The following RCBTB2 variants were observed in gnomAD, a reference collection of about 807,000 sequenced individuals.
RCBTB2 encodes RCC1 and BTB domain-containing protein 2.
Under a neutral mutation model 65.4 loss-of-function variants are expected in RCBTB2, and 55 were observed. That is an observed-to-expected ratio of 0.84 (90% CI 0.68 to 1.05). The LOEUF is 1.05. Ranked by LOEUF, RCBTB2 falls within the 50% of genes least tolerant of loss-of-function variation. The pLI is 0.00. For missense variants in RCBTB2, 599 were observed against 680.1 expected, an observed-to-expected ratio of 0.88 and a Z score of 1.33; for synonymous variants, 220 against 255.2, an observed-to-expected ratio of 0.86 and a Z score of 1.31.
chr13:48,504,579 C>T (rs1950397493), intron 10 of RCBTB2, among the ~76,000 whole-genome samples: 1 of 152,214 alleles, frequency 6.6e-6, no homozygotes, highest in Admixed American at 6.5e-5. Context: ...TCCAGCCTGG[C>T]CCTGTTACTT....
chr13:48,511,920 G>A, intron 8 of RCBTB2, 43 bp from the exon 9 acceptor site: 1 of 1,611,038 alleles, frequency 6.2e-7, no homozygotes, highest in Non-Finnish European at 8.5e-7. Flanking sequence ...GAGACAAATG[G>A]CCAGCAAGCT....
intron 14 of RCBTB2, 85 bp from the exon 15 acceptor site, chr13:48,490,336 G>A (rs1470544525): frequency 4.1e-6 from 5 of 1,233,978 alleles, no homozygotes; most frequent in Admixed American, 2.1e-5. Flanking sequence ...AAACAAGTTA[G>A]GCAAAGAAAA....
At position 48,496,262 on chromosome 13, in the gene RCBTB2, T is replaced by G. The variant is rs1183997660; in HGVS notation, c.1444A>C (p.Thr482Pro). The G allele has an allele frequency of 1.9e-6, 3 of 1,593,914 alleles. No homozygotes were observed. The highest frequency in any genetic ancestry group is 1.7e-6 in the Non-Finnish European group (2 of 1,170,224). ...ENRLKKLCQQ[T>P]IKQGICEENA... ...TCCTCGCAGATGCCTTGCTTGATAG[T>G]TTGTTGGCAGAGCTTTTTCAAACGA... The change falls in exon 14 of 15, where the codon ACT (threonine) becomes CCT (proline). Residue 482 changes from threonine (T) to proline (P), a missense_variant. Thr to Pro is a conservative substitution (Grantham distance 38). Coordinates refer to ENST00000344532, the MANE Select transcript of RCBTB2 (RefSeq NM_001268.4).
chr13:48,530,020 A>G (rs1952018986), intron 1 of RCBTB2, among the ~76,000 whole-genome samples: 1 of 152,000 alleles, frequency 6.6e-6, no homozygotes, highest in African/African-American at 2.4e-5. Context: ...CCTCCCAAGT[A>G]TCTGAAACTA....
chr13:48,531,630 G>A (rs7325162), intron 1 of RCBTB2, among the ~76,000 whole-genome samples: 2,573 of 152,314 alleles, frequency 0.017, 33 homozygotes, highest in African/African-American at 0.041. Flanking sequence ...AATAAGGCCT[G>A]AGTGGTGGAA....
intron 6 of RCBTB2, 50 bp from the exon 7 acceptor site, chr13:48,512,945 A>T (rs1485945070): frequency 3.4e-6 from 5 of 1,456,474 alleles, no homozygotes; most frequent in Non-Finnish European, 4.7e-6. Context: ...CTACTTCATT[A>T]TACGAAAATA....
At chr13:48,502,013 GA>G in intron 11 of RCBTB2, 145 bp from the exon 12 acceptor site, 1 of 555,282 alleles carries the variant, frequency 1.8e-6, no homozygotes, top group Non-Finnish European at 3.0e-6. Context: ...TTTTTCCCCT[GA>G]AGACAGATTT....
intron 1 of RCBTB2, among the ~76,000 whole-genome samples, chr13:48,525,960 A>G (rs1951707861): frequency 6.6e-6 from 1 of 152,148 alleles, no homozygotes. Context: ...TTCGTGGGGA[A>G]GTTTTGGTGG....
intron 14 of RCBTB2, among the ~76,000 whole-genome samples, chr13:48,495,523 G>GA (rs1165282418): frequency 6.6e-6 from 1 of 152,134 alleles, no homozygotes; most frequent in East Asian, 1.9e-4. Context: ...ATAAACTGCT[G>GA]AAGTAAACAC....
chr13:48,523,782 C>T (rs1483316336), intron 2 of RCBTB2, among the ~76,000 whole-genome samples: 1 of 152,110 alleles, frequency 6.6e-6, no homozygotes, highest in Non-Finnish European at 1.5e-5. Context: ...AAAACCGATC[C>T]TGGGCTTTTG....
rs1171286984 is a variant in RCBTB2, at chr13:48,505,134, ACTAGCACTAGGCTGC to A, written c.927-2235_927-2221del. ...CCTCGCTCTACCACTAGGCTGCGTGACTAGCACTAGGCTGCGTGACTAGGGGAATGTCACTTAGCA... is the reference window on the plus strand; with the variant it reads ...CCTCGCTCTACCACTAGGCTGCGTGAGTGACTAGGGGAATGTCACTTAGCA... On this transcript the variant is annotated intron_variant, in intron 10 of 14. Coordinates refer to ENST00000344532, the MANE Select transcript of RCBTB2 (RefSeq NM_001268.4). 5.6e-4 allele frequency among the ~76,000 whole-genome samples: 84 copies of A among 150,452 alleles called. No individual in the cohort carries two copies. The East Asian group carries it at 0.017, about 31-fold the overall frequency.
intron 6 of RCBTB2, among the ~76,000 whole-genome samples, chr13:48,514,057 T>G (rs1950950985): frequency 6.6e-6 from 1 of 152,240 alleles, no homozygotes; most frequent in African/African-American, 2.4e-5. Flanking sequence ...GTTCTTACCA[T>G]AAATCTTAAC....
intron 14 of RCBTB2, 128 bp from the exon 15 acceptor site, chr13:48,490,379 C>T (rs56318255): frequency 1.1e-4 from 74 of 691,956 alleles, no homozygotes; most frequent in Non-Finnish European, 1.7e-4. Flanking sequence ...GAAATGATGG[C>T]ATGGTAATAC....
chr13:48,500,497 G>A (rs1302286949), intron 12 of RCBTB2, among the ~76,000 whole-genome samples: 1 of 152,202 alleles, frequency 6.6e-6, no homozygotes, highest in Admixed American at 6.5e-5. Context: ...GGAGGAGGTT[G>A]CAGTGAGCCG....
intron 4 of RCBTB2, 108 bp downstream of exon 4, chr13:48,521,790 G>T (rs117406504): frequency 1.1e-5 from 11 of 1,005,400 alleles, no homozygotes; most frequent in South Asian, 2.8e-5. Flanking sequence ...GCCCCTCAAA[G>T]ATAGATAGTA....
chr13:48,527,361 T>TGATATATATATATATATCATATA, intron 1 of RCBTB2, among the ~76,000 whole-genome samples: 1 of 112,446 alleles, frequency 8.9e-6, no homozygotes, highest in African/African-American at 5.5e-5. Context: ...TGATATATAT[T>TGATATATATATATATATCATATA]TATATATGAT....
At chr13:48,533,450 C>A (rs1044064716), upstream of RCBTB2, among the ~76,000 whole-genome samples, 2 of 152,188 alleles carry the variant, frequency 1.3e-5, no homozygotes, top group African/African-American at 2.4e-5. Flanking sequence ...TGAGAGCAAC[C>A]TTTTCCACAG....
At chr13:48,514,950 T>C (rs1951000438) in intron 6 of RCBTB2, among the ~76,000 whole-genome samples, 1 of 152,226 alleles carries the variant, frequency 6.6e-6, no homozygotes, top group African/African-American at 2.4e-5. Flanking sequence ...TCAGACAGAC[T>C]TGCCAAAGTC....
At chr13:48,535,836 A>T, upstream of RCBTB2, 1 of 445,318 alleles carries the variant, frequency 2.2e-6, no homozygotes, top group South Asian at 1.6e-5. Flanking sequence ...AGCCATTGGC[A>T]TACCCAGAGT....
Sources: gnomAD v4.1 joint callset for allele counts (sites outside exome capture counted in the v4.1 genomes callset) on GRCh38, gnomAD v4.1.1 for gene constraint, MANE v1.5 for transcripts, NCBI Gene and HGNC (gene_info 2026-07-23, HGNC 2026-07-21) for gene names.